Variants in CCDC7 observed in about 807,000 individuals in gnomAD.
CCDC7 encodes the protein coiled-coil domain containing 7.
In CCDC7, 183 loss-of-function variants were observed where a neutral mutation model predicts 196.9. The observed-to-expected ratio is 0.93, with a 90% confidence interval of 0.82 to 1.05. CCDC7 has a LOEUF of 1.05. Among genes scored for constraint, CCDC7 ranks in the 50% least tolerant of loss-of-function variants. The probability of loss-of-function intolerance (pLI) is 0.00; values close to 1 mark genes in which losing one functional copy is unlikely to be tolerated. For synonymous variants in CCDC7, 525 were observed against 484.6 expected (o/e 1.08, Z -1.10); for missense variants, 1,540 against 1,482.2 (o/e 1.04, Z -0.64).
intron 24 of CCDC7, among the ~76,000 whole-genome samples, chr10:32,695,612 C>T (rs1260889053): frequency 7.9e-5 from 12 of 152,068 alleles, no homozygotes; most frequent in South Asian, 2.1e-4. Flanking sequence ...TAGCCCTTGC[C>T]GGGTAGTGTT....
chr10:32,669,626 G>A (rs191872837), intron 21 of CCDC7, among the ~76,000 whole-genome samples: 2 of 152,110 alleles, frequency 1.3e-5, no homozygotes, highest in East Asian at 1.9e-4. Context: ...CATGTGTCTA[G>A]GAATTATTCA....
chr10:32,674,709 C>T (rs1222120084), intron 21 of CCDC7, among the ~76,000 whole-genome samples: 1 of 151,984 alleles, frequency 6.6e-6, no homozygotes, highest in Non-Finnish European at 1.5e-5. Flanking sequence ...CCTATTATTA[C>T]TTTTCTTATG....
chr10:32,542,457 A>C (rs772549088), intron 11 of CCDC7, among the ~76,000 whole-genome samples: 5 of 152,004 alleles, frequency 3.3e-5, no homozygotes, highest in African/African-American at 1.2e-4. Flanking sequence ...ATATGGTGAA[A>C]TCCTGTCTCT....
At chr10:32,790,098 T>C (rs2082456029) in intron 29 of CCDC7, among the ~76,000 whole-genome samples, 1 of 152,172 alleles carries the variant, frequency 6.6e-6, no homozygotes, top group Non-Finnish European at 1.5e-5. Context: ...GTTGGAGTCT[T>C]GTGCCTGCAG....
chr10:32,745,369 C>T (rs1373443520), intron 28 of CCDC7, among the ~76,000 whole-genome samples: 1 of 152,154 alleles, frequency 6.6e-6, no homozygotes, highest in Non-Finnish European at 1.5e-5. Context: ...GTTCTGCAGA[C>T]TATACAAGAA....
At chr10:32,467,670 C>T (rs979765369) in intron 5 of CCDC7, among the ~76,000 whole-genome samples, 4 of 152,082 alleles carry the variant, frequency 2.6e-5, no homozygotes, top group Non-Finnish European at 4.4e-5. Context: ...ATTCCTATGT[C>T]CAGAATGGTA....
chr10:32,733,110 T>C (rs980924710), intron 28 of CCDC7, among the ~76,000 whole-genome samples: 2 of 152,106 alleles, frequency 1.3e-5, no homozygotes, highest in Admixed American at 1.3e-4. Context: ...ATTTTTAATA[T>C]GTTTTTATCT....
chr10:32,671,114 G>T (rs903575521), intron 21 of CCDC7, among the ~76,000 whole-genome samples: 2 of 152,112 alleles, frequency 1.3e-5, no homozygotes, highest in Admixed American at 1.3e-4. Context: ...TAACCCAAGT[G>T]TACAGTGTTT....
At chr10:32,665,287 G>A (rs1026118002) in intron 21 of CCDC7, among the ~76,000 whole-genome samples, 17 of 112,176 alleles carry the variant, frequency 1.5e-4, no homozygotes, top group African/African-American at 7.4e-4. Flanking sequence ...TTGATTGTTT[G>A]CTTTGCTGTG....
chr10:32,597,628 C>T (rs182639773), intron 18 of CCDC7, among the ~76,000 whole-genome samples: 2 of 152,290 alleles, frequency 1.3e-5, no homozygotes, highest in African/African-American at 4.8e-5. Context: ...AGCTTTTCTG[C>T]TCTGGTTTCT....
At chr10:32,487,400 A>G (rs886694609) in intron 8 of CCDC7, among the ~76,000 whole-genome samples, 2 of 152,094 alleles carry the variant, frequency 1.3e-5, no homozygotes, top group Non-Finnish European at 2.9e-5. Flanking sequence ...TTGTTTTTCA[A>G]GGTTTTTAAC....
At chr10:32,537,352 T>TAAA (rs2050684914) in intron 11 of CCDC7, among the ~76,000 whole-genome samples, 1 of 152,154 alleles carries the variant, frequency 6.6e-6, no homozygotes, top group Non-Finnish European at 1.5e-5. Context: ...GGAGTCATTT[T>TAAA]TTCCTTGTAA....
At chr10:32,533,013 T>G (rs1159373702) in intron 11 of CCDC7, among the ~76,000 whole-genome samples, 2 of 152,026 alleles carry the variant, frequency 1.3e-5, no homozygotes, top group Non-Finnish European at 2.9e-5. Context: ...GCCTGTTTTC[T>G]GATTGTTTTG....
At chr10:32,578,543 G>T (rs192779227) in intron 16 of CCDC7, among the ~76,000 whole-genome samples, 4 of 151,408 alleles carry the variant, frequency 2.6e-5, no homozygotes, top group Non-Finnish European at 4.4e-5. Context: ...TTAGGTTCTC[G>T]TAAGGAGCAC....
At position 32,647,438 on chromosome 10, in the gene CCDC7, G is replaced by A. The variant is rs137989759; in HGVS notation, c.2014+12280G>A. Among the ~76,000 whole-genome samples, 1,234 of 152,226 alleles carry A rather than the reference G, an allele frequency of 8.1e-3. 8 individuals carry two copies. Among genetic ancestry groups the A allele is most frequent in the Non-Finnish European group, 0.014 (968 of 67,984 alleles). On this transcript the variant is annotated intron_variant, in intron 20 of 41. Transcript: ENST00000639629. ...GCAGGAAAATAGGTTGAGCCCTGGG[G>A]GGTAGAGGTTGCAGTGAGCTGAGAT...
At chr10:32,700,500 C>A (rs1367618605) in intron 24 of CCDC7, among the ~76,000 whole-genome samples, 1 of 152,256 alleles carries the variant, frequency 6.6e-6, no homozygotes, top group Admixed American at 6.5e-5. Flanking sequence ...ATGCCTCCAG[C>A]TTTGTTCTTT....
At chr10:32,513,217 C>A (rs2046499329) in intron 9 of CCDC7, 1 of 151,948 alleles carries the variant, frequency 6.6e-6, no homozygotes, top group Admixed American at 6.6e-5. Flanking sequence ...TAAGGGAATA[C>A]TATGAATAAC....
At chr10:32,851,892 T>G (rs1322162181) in exon 40 of CCDC7, 3 of 1,610,888 alleles carry the variant, frequency 1.9e-6, no homozygotes, top group Admixed American at 3.4e-5. Context: ...CAAGCTTTTC[T>G]AAAGACATCC....
At chr10:32,798,830 G>C (rs934762784) in intron 29 of CCDC7, among the ~76,000 whole-genome samples, 2 of 152,210 alleles carry the variant, frequency 1.3e-5, no homozygotes, top group African/African-American at 4.8e-5. Context: ...GCTGTCCACT[G>C]TTGGGTGGTG....
Sources: allele counts gnomAD v4.1 joint callset (sites outside exome capture counted in the v4.1 genomes callset), GRCh38; gene constraint gnomAD v4.1.1; transcripts MANE v1.5; gene names NCBI Gene and HGNC (gene_info 2026-07-23, HGNC 2026-07-21).